The following COX10 variants were observed in gnomAD, a reference collection of about 807,000 sequenced individuals.
The protein encoded by COX10 is cytochrome c oxidase assembly factor heme A:farnesyltransferase COX10.
A neutral mutation model predicts 37.3 loss-of-function variants in COX10; 27 were observed. That is an observed-to-expected ratio of 0.72 (90% confidence interval 0.53 to 1.00). The LOEUF (loss-of-function observed/expected upper bound fraction) is 1.00. Ranked by LOEUF, COX10 falls within the 50% of genes least tolerant of loss-of-function variation. The pLI is 0.00. For missense variants in COX10, 475 were observed against 563.2 expected (o/e 0.84, Z 1.59); for synonymous variants, 222 against 229.1 (o/e 0.97, Z 0.28).
intron 1 of COX10, among the ~76,000 whole-genome samples, chr17:14,072,588 C>T (rs1915050636): frequency 6.6e-6 from 1 of 152,144 alleles, no homozygotes; most frequent in Non-Finnish European, 1.5e-5. Flanking sequence ...CTCCTAACCT[C>T]AGGTAATCCA....
At position 14,130,648 on chromosome 17, in the gene COX10, G is replaced by A. The variant is rs895025815; in HGVS notation, c.624+28406G>A. On this transcript the variant is annotated intron_variant, in intron 4 of 6. Transcript: ENST00000261643. ...ATTTTTAAATTTTCTTTTTTGTTAC[G>A]TTCTTCACCACTGTCTTTGTTTCTT... 5.9e-5 allele frequency among the ~76,000 whole-genome samples: 9 copies of A among 151,664 alleles called. No homozygotes were observed. In the East Asian group the frequency reaches 1.2e-3, roughly 20 times the overall value.
At chr17:14,070,110 G>A (rs1209357829) in intron 1 of COX10, among the ~76,000 whole-genome samples, 2 of 152,208 alleles carry the variant, frequency 1.3e-5, no homozygotes, top group Admixed American at 6.5e-5. Flanking sequence ...AGACAGCGGA[G>A]TGTAGTCCCC....
chr17:14,174,335 T>C (rs2856126), intron 5 of COX10, among the ~76,000 whole-genome samples: 87,815 of 151,316 alleles, frequency 0.58, 25,910 homozygotes, highest in East Asian at 0.63. Flanking sequence ...GGCATGTGCC[T>C]GTAGTCCCAA....
intron 3 of COX10, among the ~76,000 whole-genome samples, chr17:14,080,492 C>T (rs958911989): frequency 9.2e-5 from 14 of 152,058 alleles, no homozygotes; most frequent in Admixed American, 5.9e-4. Flanking sequence ...GGATTACAGG[C>T]GTGAGCCACC....
intron 4 of COX10, among the ~76,000 whole-genome samples, chr17:14,122,369 C>T (rs187226530): frequency 3.3e-5 from 5 of 152,202 alleles, no homozygotes; most frequent in Non-Finnish European, 7.4e-5. Context: ...TGGCAATCCC[C>T]GTCAACCAAC....
At chr17:14,198,062 A>G (rs1317805750) in intron 6 of COX10, among the ~76,000 whole-genome samples, 1 of 152,224 alleles carries the variant, frequency 6.6e-6, no homozygotes, top group East Asian at 1.9e-4. Flanking sequence ...CAGGAAAGGC[A>G]GAATGAGAGG....
At chr17:14,108,676 TA>T (rs11285831) in intron 4 of COX10, among the ~76,000 whole-genome samples, 151,622 of 152,230 alleles carry the variant, frequency 1, 75,513 homozygotes, top group Middle Eastern at 1. Flanking sequence ...TGAAATAAGG[TA>T]AAAAAAGAAG....
At position 14,203,773 on chromosome 17, in the gene COX10, G is replaced by A. The variant is rs78418236; in HGVS notation, c.929-3037G>A. ...GTCTCCTGGTGAGTTCTGCCTAGCA[G>A]TAGCCCCCAGCTCCCTTTTTCTGAA... is the stretch of plus-strand genomic sequence containing the variant. On this transcript the variant is annotated intron_variant, in intron 6 of 6. Coordinates refer to ENST00000261643, the MANE Select transcript of COX10 (RefSeq NM_001303.4). 3.7e-4 allele frequency among the ~76,000 whole-genome samples: 56 copies of A among 152,294 alleles called. No homozygotes were observed. In the East Asian group the frequency reaches 9.3e-3, roughly 25 times the overall value.
chr17:14,074,241 T>G (rs1597490047), intron 1 of COX10, 82 bp from the exon 2 acceptor site: 2 of 1,534,938 alleles, frequency 1.3e-6, no homozygotes, highest in Non-Finnish European at 1.8e-6. Flanking sequence ...AGTGGCTGGC[T>G]TTGCTTCTGG....
chr17:14,118,929 G>T (rs1916171591), intron 4 of COX10, among the ~76,000 whole-genome samples: 5 of 150,030 alleles, frequency 3.3e-5, no homozygotes, highest in Non-Finnish European at 3.0e-5. Context: ...AGTTCTTTTA[G>T]GTATTGAGAG....
At chr17:14,148,232 A>T (rs541226370) in intron 4 of COX10, among the ~76,000 whole-genome samples, 1 of 152,178 alleles carries the variant, frequency 6.6e-6, no homozygotes, top group South Asian at 2.1e-4. Context: ...GAGCACACAC[A>T]TTCATTATTT....
At chr17:14,092,573 A>G (rs189465337) in intron 3 of COX10, among the ~76,000 whole-genome samples, 2 of 152,250 alleles carry the variant, frequency 1.3e-5, no homozygotes, top group Admixed American at 1.3e-4. Context: ...CACGTCTCAT[A>G]TCAATTGACT....
At chr17:14,097,237 C>T (rs1220518963) in intron 3 of COX10, among the ~76,000 whole-genome samples, 1 of 151,802 alleles carries the variant, frequency 6.6e-6, no homozygotes, top group Non-Finnish European at 1.5e-5. Context: ...TTTACTCGTA[C>T]AATTTATCCG....
Position 14,207,393 on chromosome 17 carries a change from A to T in COX10, c.*180A>T, listed in dbSNP as rs1458258725. 1 of 774,514 alleles carries T rather than the reference A, an allele frequency of 1.3e-6. No homozygotes were observed. Among genetic ancestry groups the T allele is most frequent in the African/African-American group, 1.8e-5 (1 of 57,022 alleles). The allele number at this position is 774,514 out of a possible 1,614,324, so 48.0% of individuals were successfully genotyped here. On this transcript the variant is annotated 3_prime_UTR_variant, in exon 7 of 7. Coordinates refer to ENST00000261643, the MANE Select transcript of COX10 (RefSeq NM_001303.4). ...ATATTACCCAAAATGCTCCCCAAAT[A>T]AGAAATGCATCAGCTCAGTCAGTGA...
chr17:14,165,204 C>A (rs554310144), intron 5 of COX10, among the ~76,000 whole-genome samples: 29 of 152,248 alleles, frequency 1.9e-4, no homozygotes, highest in Non-Finnish European at 3.8e-4. Flanking sequence ...TGCAGGCATA[C>A]CTCATTTTAT....
rs151085867 is a variant in COX10, at chr17:14,202,661, G to A, written c.929-4149G>A. ...AAAATAGTCAAAAGTAAAACCGTTC[G>A]TGTCTCTACCGTGAGCACACTCAGC... On this transcript the variant is annotated intron_variant, in intron 6 of 6. Coordinates refer to ENST00000261643, the MANE Select transcript of COX10 (RefSeq NM_001303.4). Among the ~76,000 whole-genome samples, 37 of 152,104 alleles carry A rather than the reference G, an allele frequency of 2.4e-4. No individual in the cohort carries two copies. The East Asian group carries it at 6.4e-3, about 26-fold the overall frequency.
At chr17:14,105,023 C>A (rs1915861280) in intron 4 of COX10, among the ~76,000 whole-genome samples, 1 of 152,064 alleles carries the variant, frequency 6.6e-6, no homozygotes, top group Non-Finnish European at 1.5e-5. Context: ...TTTAACTGAT[C>A]AAGTCTTGAG....
intron 3 of COX10, 194 bp downstream of exon 3, chr17:14,077,250 T>C: frequency 6.7e-6 from 4 of 600,466 alleles, no homozygotes; most frequent in Non-Finnish European, 1.2e-5. Context: ...GTAAATAGTA[T>C]TGCATTGTAA....
At chr17:14,106,221 T>G (rs1487872344) in intron 4 of COX10, among the ~76,000 whole-genome samples, 1 of 152,116 alleles carries the variant, frequency 6.6e-6, no homozygotes, top group Non-Finnish European at 1.5e-5. Context: ...TTCACCATGT[T>G]GGCTAGACTG....
Sources: gnomAD v4.1 joint callset for allele counts (sites outside exome capture counted in the v4.1 genomes callset) on GRCh38, gnomAD v4.1.1 for gene constraint, MANE v1.5 for transcripts, NCBI Gene and HGNC (gene_info 2026-07-23, HGNC 2026-07-21) for gene names.